SNX22: variants seen among roughly 807,000 people sequenced by gnomAD.
The protein encoded by SNX22 is sorting nexin 22, also known as sorting nexin-22.
A neutral mutation model predicts 24.7 loss-of-function variants in SNX22; 23 were observed. That is an observed-to-expected ratio of 0.93 (90% CI 0.67 to 1.32). The LOEUF (loss-of-function observed/expected upper bound fraction) is 1.32, where lower values mean the gene tolerates loss of function less well. Ranked by LOEUF, SNX22 falls within the 40% of genes most tolerant of loss-of-function variation. The pLI, the probability that SNX22 is intolerant of heterozygous loss-of-function variation, is 0.00. For synonymous variants in SNX22, 99 were observed against 104.0 expected (o/e 0.95, Z 0.29); for missense variants, 261 against 249.9 (o/e 1.04, Z -0.30).
rs2081537274 is a variant in SNX22 at position 64,156,903 on chromosome 15, C to CTCT, written c.*2397_*2399dup. On this transcript the variant is annotated 3_prime_UTR_variant, in exon 7 of 7. Coordinates refer to ENST00000325881, the MANE Select transcript of SNX22 (RefSeq NM_024798.3). This position sits in a 1 kb window ranked among gnomAD's most constrained non-coding sequence, Gnocchi z 6.4. ...ATCGGGGAAGCGCTCACCGTAGATG[C>CTCT]TCTTTCCTGGGAAAAAAGACAGAGC... 2 of 1,613,982 alleles carry CTCT rather than the reference C, an allele frequency of 1.2e-6. No individual in the cohort carries two copies. Among genetic ancestry groups the CTCT allele is most frequent in the Admixed American group, 3.3e-5 (2 of 60,002 alleles).
chr15:64,155,848 T>A lies in SNX22; in HGVS notation c.*1340T>A, dbSNP rs1359805012. On this transcript the variant is annotated 3_prime_UTR_variant, in exon 7 of 7. Coordinates refer to ENST00000325881, the MANE Select transcript of SNX22 (RefSeq NM_024798.3). ...AAAAAAAAAAACCCACATTTTTTTTTATTGGTCAGTGTTGGTAGGAGTTTG... is the reference window on the plus strand; with the variant it reads ...AAAAAAAAAAACCCACATTTTTTTTAATTGGTCAGTGTTGGTAGGAGTTTG... 1.1e-6 allele frequency: 1 copy of A among 904,024 alleles called. No individual in the cohort carries two copies. Among genetic ancestry groups the A allele is most frequent in the East Asian group, 2.6e-5 (1 of 38,544 alleles). The allele number at this position is 904,024 out of a possible 1,614,324, so 56.0% of individuals were successfully genotyped here.
Position 64,156,384 on chromosome 15 carries a change from G to A in SNX22, c.*1876G>A. ...AGACCCAGGTTGGGCCAAGGGTGAG[G>A]AGGAGGAAGAGGGTGACCAGGGCAT... On this transcript the variant is annotated 3_prime_UTR_variant, in exon 7 of 7. Coordinates refer to ENST00000325881, the MANE Select transcript of SNX22 (RefSeq NM_024798.3). This position sits in a 1 kb window ranked among gnomAD's most constrained non-coding sequence, Gnocchi z 6.4. 1.6e-6 allele frequency: 1 copy of A among 644,750 alleles called. No individual in the cohort carries two copies. Among genetic ancestry groups the A allele is most frequent in the Non-Finnish European group, 2.7e-6 (1 of 364,104 alleles). 39.9% of individuals were successfully genotyped at this position (644,750 alleles called of 1,614,324 possible).
chr15:64,157,251 C>A lies in SNX22; in HGVS notation c.*2743C>A. On this transcript the variant is annotated 3_prime_UTR_variant, in exon 7 of 7. Transcript: ENST00000325881. The surrounding 1 kb of genome is among the most constrained non-coding windows in gnomAD (Gnocchi z 4.2). ...GAGGGACTTTGGTGGAGGGAAGTGCCGTGCAGGATGCAGGGGAGTCAACAG... is the reference window on the plus strand; with the variant it reads ...GAGGGACTTTGGTGGAGGGAAGTGCAGTGCAGGATGCAGGGGAGTCAACAG... The A allele has an allele frequency of 2.8e-6, 1 of 358,402 alleles. No individual in the cohort carries two copies. Among genetic ancestry groups the A allele is most frequent in the South Asian group, 2.9e-5 (1 of 34,220 alleles). The allele number at this position is 358,402 out of a possible 1,614,324, so 22.2% of individuals were successfully genotyped here.
chr15:64,154,596 T>C lies in SNX22; in HGVS notation c.*88T>C. On this transcript the variant is annotated 3_prime_UTR_variant, in exon 7 of 7. Coordinates refer to ENST00000325881, the MANE Select transcript of SNX22 (RefSeq NM_024798.3). ...TATAAGGCTGGGTCCTCCTTTGGCC[T>C]GGACCCAGGACTTAATTACCCAGTG... 3.3e-6 allele frequency: 5 copies of C among 1,516,558 alleles called. No individual in the cohort carries two copies. Among genetic ancestry groups the C allele is most frequent in the Non-Finnish European group, 4.5e-6 (5 of 1,117,608 alleles). The allele number at this position is 1,516,558 out of a possible 1,614,324, so 93.9% of individuals were successfully genotyped here. A position where few individuals can be genotyped will look rare whatever the true frequency, so the allele number is the denominator to read the frequency against.
rs369831615 is a variant in SNX22 at position 64,157,230 on chromosome 15, G to T, written c.*2722G>T. The T allele has an allele frequency of 1.4e-4, 53 of 392,120 alleles. No homozygotes were observed. The highest frequency in any genetic ancestry group is 8.8e-4 in the South Asian group (32 of 36,550). 24.3% of individuals were successfully genotyped at this position (392,120 alleles called of 1,614,324 possible). A position where few individuals can be genotyped will look rare whatever the true frequency, so the allele number is the denominator to read the frequency against. On this transcript the variant is annotated 3_prime_UTR_variant, in exon 7 of 7. Transcript: ENST00000325881. The surrounding 1 kb of genome is among the most constrained non-coding windows in gnomAD (Gnocchi z 4.2). The stretch of plus-strand genomic sequence containing the variant: ...CTATGGCCCAGGCCTGCCACGGAGG[G>T]ACTTTGGTGGAGGGAAGTGCCGTGC...
At chr15:64,153,562 G>T in intron 4 of SNX22, 90 bp from the exon 5 acceptor site, 2 of 1,559,804 alleles carry the variant, frequency 1.3e-6, no homozygotes, top group South Asian at 1.1e-5. Context: ...GGTCCCCTGG[G>T]AGGTGCAGTT....
At chr15:64,152,086 A>G in intron 1 of SNX22, 157 bp from the exon 2 acceptor site, 1 of 808,470 alleles carries the variant, frequency 1.2e-6, no homozygotes. Context: ...CGGTTCTCCC[A>G]GGTGTGCGGG....
In SNX22 at chr15:64,153,303, G is replaced by A. The variant is rs754096477; in HGVS notation, c.323G>A (p.Arg108Gln). ...PKELLEFLRL[R>Q]HFPTDPKASN... ...GAGTTACTGGAATTCCTGAGACTTC[G>A]GCACTTCCCCACAGACCCCAAGGCT... Residue 108 changes from arginine to glutamine, a missense_variant, in exon 4 of 7, where the codon CGG becomes CAG. Coordinates refer to ENST00000325881, the MANE Select transcript of SNX22 (RefSeq NM_024798.3). 18 of 1,613,938 alleles carry A rather than the reference G, an allele frequency of 1.1e-5. No individual in the cohort carries two copies. The highest frequency in any genetic ancestry group is 1.5e-5 in the Non-Finnish European group (18 of 1,179,986).
chr15:64,152,691 G>A lies in SNX22; in HGVS notation c.213G>A (p.Trp71Ter), dbSNP rs752985651. ...PDFPSKRLPN[W>*]RTRGLEQRRQ... ...TCCCCTCGAAACGCCTGCCCAACTG[G>A]AGGACCAGAGGGTTGGAACAGCGCC... Residue 71 changes from tryptophan to a stop codon, truncating the protein, a stop_gained, in exon 3 of 7, where the codon TGG becomes TGA. Coordinates refer to ENST00000325881, the MANE Select transcript of SNX22 (RefSeq NM_024798.3). LOFTEE classifies it high-confidence loss of function. 2 of 1,614,232 alleles carry A rather than the reference G, an allele frequency of 1.2e-6. No homozygotes were observed. Among genetic ancestry groups the A allele is most frequent in the East Asian group, 2.2e-5 (1 of 44,886 alleles).
Position 64,152,284 on chromosome 15 carries a change from G to C in SNX22, c.117G>C (p.Thr39=), listed in dbSNP as rs1335800573. ...TGCTGTGCAGCGGGCGCAGACACAC[G>C]GTGCCAAGGCGCTACAGCGAGTTCC... is the stretch of plus-strand genomic sequence containing the variant. ...VEVLCSGRRH[T]VPRRYSEFHA... is the part of the protein sequence containing the mutation. The change falls in exon 2 of 7, where the codon ACG becomes ACC. Residue 39 remains threonine (T), a synonymous_variant. Coordinates refer to ENST00000325881, the MANE Select transcript of SNX22 (RefSeq NM_024798.3). 1 of 1,492,412 alleles carries C rather than the reference G, an allele frequency of 6.7e-7. No homozygotes were observed. The highest frequency in any genetic ancestry group is 8.8e-7 in the Non-Finnish European group (1 of 1,130,248). 92.4% of individuals were successfully genotyped at this position (1,492,412 alleles called of 1,614,324 possible). A position where few individuals can be genotyped will look rare whatever the true frequency, so the allele number is the denominator to read the frequency against.
rs2081500640 is a variant in SNX22, at chr15:64,153,293, C to T, written c.313C>T (p.Leu105=). 1.2e-6 allele frequency: 2 copies of T among 1,614,044 alleles called. No homozygotes were observed. Among genetic ancestry groups the T allele is most frequent in the Non-Finnish European group, 1.7e-6 (2 of 1,180,034 alleles). The change falls in exon 4 of 7, where the codon CTG becomes TTG. Residue 105 remains leucine (L), a synonymous_variant. Coordinates refer to ENST00000325881, the MANE Select transcript of SNX22 (RefSeq NM_024798.3). ...QEVPKELLEF[L]RLRHFPTDPK... ...GGTGCCCAAGGAGTTACTGGAATTC[C>T]TGAGACTTCGGCACTTCCCCACAGA...
chr15:64,154,064 C>T, intron 6 of SNX22, 62 bp downstream of exon 6: 2 of 1,613,850 alleles, frequency 1.2e-6, no homozygotes, highest in South Asian at 1.1e-5. Context: ...TTTCTCGGCT[C>T]CTGGGACCCT....
chr15:64,154,270 C>A, intron 6 of SNX22, 117 bp from the exon 7 acceptor site: 1 of 1,579,772 alleles, frequency 6.3e-7, no homozygotes, highest in South Asian at 1.2e-5. Context: ...TTGGGGTGGA[C>A]AGCTGCTGTC....
chr15:64,152,132 G>C, intron 1 of SNX22, 111 bp from the exon 2 acceptor site: 1 of 1,125,608 alleles, frequency 8.9e-7, no homozygotes, highest in South Asian at 1.9e-5. Context: ...GCGCCGCAAG[G>C]CCGCTTTGTG....
intron 5 of SNX22, 23 bp downstream of exon 5, chr15:64,153,707 G>T (rs1484315056): frequency 1.3e-5 from 21 of 1,613,892 alleles, no homozygotes; most frequent in Non-Finnish European, 1.8e-5. Flanking sequence ...CCTAGCCCGC[G>T]CTTGGCCCCT....
rs2081530595 is a variant in SNX22 at position 64,156,247 on chromosome 15, G to C, written c.*1739G>C. ...GGCTCAGGAGGGCTAAGACCCACAA[G>C]TGATCAACAGCACACAAAACTGGAG... On this transcript the variant is annotated 3_prime_UTR_variant, in exon 7 of 7. Transcript: ENST00000325881. The surrounding 1 kb of genome is among the most constrained non-coding windows in gnomAD (Gnocchi z 6.4). The C allele has an allele frequency of 2.7e-6, 4 of 1,457,272 alleles. No homozygotes were observed. Among genetic ancestry groups the C allele is most frequent in the Non-Finnish European group, 3.8e-6 (4 of 1,056,922 alleles). 90.3% of individuals were successfully genotyped at this position (1,457,272 alleles called of 1,614,324 possible). A position where few individuals can be genotyped will look rare whatever the true frequency, so the allele number is the denominator to read the frequency against.
rs1261174111 is a variant in SNX22, at chr15:64,154,850, C to T, written c.*342C>T. The T allele has an allele frequency of 5.5e-6, 1 of 180,848 alleles. No homozygotes were observed. The highest frequency in any genetic ancestry group is 1.2e-5 in the Non-Finnish European group (1 of 86,260). 11.2% of individuals were successfully genotyped at this position (180,848 alleles called of 1,614,324 possible). On this transcript the variant is annotated 3_prime_UTR_variant, in exon 7 of 7. Coordinates refer to ENST00000325881, the MANE Select transcript of SNX22 (RefSeq NM_024798.3). ...GTCAGGAGTTCGAGACCAGCCTGAC[C>T]ACCATGGAGAAACCCCGTCTCTACT...
Position 64,155,857 on chromosome 15 carries a change from G to GTGTT in SNX22, c.*1350_*1353dup. On this transcript the variant is annotated 3_prime_UTR_variant, in exon 7 of 7. Coordinates refer to ENST00000325881, the MANE Select transcript of SNX22 (RefSeq NM_024798.3). ...AACCCACATTTTTTTTTATTGGTCAGTGTTGGTAGGAGTTTGTTACAAAAG... is the reference window on the plus strand; with the variant it reads ...AACCCACATTTTTTTTTATTGGTCAGTGTTTGTTGGTAGGAGTTTGTTACAAAAG... 1 of 994,020 alleles carries GTGTT rather than the reference G, an allele frequency of 1.0e-6. No homozygotes were observed. Among genetic ancestry groups the GTGTT allele is most frequent in the Non-Finnish European group, 1.5e-6 (1 of 648,084 alleles). The allele number at this position is 994,020 out of a possible 1,614,324, so 61.6% of individuals were successfully genotyped here.
Position 64,153,349 on chromosome 15 carries a change from G to T in SNX22, c.359+10G>T. The T allele has an allele frequency of 1.2e-6, 2 of 1,613,324 alleles. No individual in the cohort carries two copies. Among genetic ancestry groups the T allele is most frequent in the Non-Finnish European group, 1.7e-6 (2 of 1,179,584 alleles). On this transcript the variant is annotated intron_variant, in intron 4 of 6. Transcript: ENST00000325881. The stretch of plus-strand genomic sequence containing the variant: ...AGGCTAGCAACTGGGGGTAAGGGGG[G>T]CCGATGGCGGGGGCCAGGGGCTGTC...
Sources: allele counts gnomAD v4.1 joint callset, GRCh38; gene constraint gnomAD v4.1.1; non-coding constraint Gnocchi (gnomAD v3.1); transcripts MANE v1.5; gene names NCBI Gene and HGNC (gene_info 2026-07-23, HGNC 2026-07-21).